The following CMIP variants were observed in gnomAD, a reference collection of about 807,000 sequenced individuals.
The protein encoded by CMIP is C-Maf-inducing protein.
A neutral mutation model predicts 97.3 loss-of-function variants in CMIP; 13 were observed. The observed-to-expected ratio is 0.13, with a 90% CI of 0.09 to 0.21. CMIP has a LOEUF of 0.21. Ranked by LOEUF, CMIP falls within the 10% of genes least tolerant of loss-of-function variation. The probability of loss-of-function intolerance (pLI) is 1.00; values close to 1 mark genes in which losing one functional copy is unlikely to be tolerated. For synonymous variants in CMIP, 538 were observed against 436.3 expected, an observed-to-expected ratio of 1.23 and a Z score of -2.91; for missense variants, 847 against 1,024.9, an observed-to-expected ratio of 0.83 and a Z score of 2.37.
At chr16:81,577,023 TATCACCATC>T (rs1224933350) in intron 1 of CMIP, among the ~76,000 whole-genome samples, 1 of 145,114 alleles carries the variant, frequency 6.9e-6, no homozygotes, top group Non-Finnish European at 1.5e-5. Flanking sequence ...TTATTATCAC[TATCACCATC>T]ACCATCATCA....
At chr16:81,608,099 G>A (rs1359699969) in intron 2 of CMIP, among the ~76,000 whole-genome samples, 1 of 152,184 alleles carries the variant, frequency 6.6e-6, no homozygotes, top group Non-Finnish European at 1.5e-5. Context: ...GGGAGTTTCT[G>A]ATATCTTGTT....
In CMIP at chr16:81,454,193, G is replaced by A. The variant is rs1383644628; in HGVS notation, c.300+8652G>A. Among the ~76,000 whole-genome samples, 5 of 152,324 alleles carry A rather than the reference G, an allele frequency of 3.3e-5. No individual in the cohort carries two copies. In the East Asian group the frequency reaches 9.6e-4, roughly 29 times the overall value. On this transcript the variant is annotated intron_variant, in intron 1 of 20. Transcript: ENST00000537098. ...GAGATGGACCTATATGTTCCTGGTT[G>A]CAACGATATTTATCGTATCCCTACT...
intron 3 of CMIP, among the ~76,000 whole-genome samples, chr16:81,644,293 C>T (rs2092338583): frequency 1.3e-5 from 2 of 152,160 alleles, no homozygotes; most frequent in South Asian, 2.1e-4. Context: ...GCCTCCTTCC[C>T]TGGAAAATTG....
rs141907877 is a variant in CMIP at position 81,465,076 on chromosome 16, C to T, written c.300+19535C>T. ...GTTCTTTTGGATATACATCTACGAGCGGACATTTATTTTTTAAAGATGTTC... is the reference window on the plus strand; with the variant it reads ...GTTCTTTTGGATATACATCTACGAGTGGACATTTATTTTTTAAAGATGTTC... On this transcript the variant is annotated intron_variant, in intron 1 of 20. Coordinates refer to ENST00000537098, the MANE Select transcript of CMIP (RefSeq NM_198390.3). 6.6e-5 allele frequency among the ~76,000 whole-genome samples: 10 copies of T among 152,190 alleles called. No homozygotes were observed. The South Asian group carries it at 1.0e-3, about 16-fold the overall frequency.
chr16:81,632,663 C>T (rs1216031040), intron 3 of CMIP, among the ~76,000 whole-genome samples: 5 of 152,228 alleles, frequency 3.3e-5, no homozygotes, highest in South Asian at 2.1e-4. Flanking sequence ...GCCCAGGCCT[C>T]GCAGCCCCCC....
At chr16:81,597,858 C>T (rs2091588031) in intron 1 of CMIP, among the ~76,000 whole-genome samples, 1 of 152,088 alleles carries the variant, frequency 6.6e-6, no homozygotes, top group South Asian at 2.1e-4. Flanking sequence ...ATCTGTCTCC[C>T]CCCCAGCTTG....
Position 81,547,612 on chromosome 16 carries a change from GGGA to G in CMIP, c.301-59933_301-59931del, listed in dbSNP as rs147604031. Among the ~76,000 whole-genome samples the G allele has an allele frequency of 4.8e-4, 73 of 151,780 alleles. 1 individual carries two copies. Among genetic ancestry groups the G allele is most frequent in the Admixed American group, 1.8e-3 (27 of 15,270 alleles). On this transcript the variant is annotated intron_variant, in intron 1 of 20. Coordinates refer to ENST00000537098, the MANE Select transcript of CMIP (RefSeq NM_198390.3). ...TTTGCAGGTGGAGGGTGGGAAGCGG[GGGA>G]GGAGGAGGAGGAGGAGGAGGAAGGA... is the stretch of plus-strand genomic sequence containing the variant.
At chr16:81,584,897 C>A (rs752430701) in intron 1 of CMIP, among the ~76,000 whole-genome samples, 3 of 152,236 alleles carry the variant, frequency 2.0e-5, no homozygotes, top group Admixed American at 6.5e-5. Context: ...ACTCCCCCAA[C>A]TGTTCAGACC....
intron 1 of CMIP, chr16:81,464,509 C>G: frequency 6.6e-6 from 1 of 152,162 alleles, no homozygotes; most frequent in East Asian, 1.9e-4. Context: ...TTCATTCATT[C>G]ATTCATTCAT....
intron 1 of CMIP, among the ~76,000 whole-genome samples, chr16:81,551,902 G>C (rs530673071): frequency 6.6e-6 from 1 of 152,170 alleles, no homozygotes; most frequent in Admixed American, 6.5e-5. Flanking sequence ...AAGACTCCCC[G>C]GTCCAGGGAC....
intron 14 of CMIP, among the ~76,000 whole-genome samples, chr16:81,698,998 TC>T (rs1907081108): frequency 6.6e-6 from 1 of 152,232 alleles, no homozygotes; most frequent in Non-Finnish European, 1.5e-5. Context: ...ACGCCTGTAA[TC>T]CCAGCACTGT....
intron 1 of CMIP, among the ~76,000 whole-genome samples, chr16:81,461,458 C>T (rs1042689370): frequency 6.6e-6 from 1 of 152,158 alleles, no homozygotes. Flanking sequence ...TGCTAATCAA[C>T]CCTAGCGTAA....
intron 8 of CMIP, among the ~76,000 whole-genome samples, chr16:81,670,765 G>T (rs931545934): frequency 1.3e-5 from 2 of 152,092 alleles, no homozygotes; most frequent in Admixed American, 1.3e-4. Flanking sequence ...ACAACACATG[G>T]AGAATGCTGC....
chr16:81,600,982 G>C (rs1364512377), intron 1 of CMIP, among the ~76,000 whole-genome samples: 1 of 152,186 alleles, frequency 6.6e-6, no homozygotes, highest in Non-Finnish European at 1.5e-5. Flanking sequence ...TTACAGTGGG[G>C]TGGTGCCACG....
intron 1 of CMIP, among the ~76,000 whole-genome samples, chr16:81,551,538 T>G (rs2090658973): frequency 6.6e-6 from 1 of 152,172 alleles, no homozygotes; most frequent in South Asian, 2.1e-4. Flanking sequence ...CATGTCAGTG[T>G]GTGGCTGTAG....
rs1453719123 is a variant in CMIP at position 81,662,487 on chromosome 16, G to T, written c.744+1541G>T. ...CCGTCTGCCTTTTGGAGGGAGGGGG[G>T]TCCCAGCCATGTGGGATGCTTCTTT... On this transcript the variant is annotated intron_variant, in intron 6 of 20. Coordinates refer to ENST00000537098, the MANE Select transcript of CMIP (RefSeq NM_198390.3). 2.6e-5 allele frequency among the ~76,000 whole-genome samples: 4 copies of T among 152,230 alleles called. No individual in the cohort carries two copies. In the East Asian group the frequency reaches 5.8e-4, roughly 22 times the overall value.
intron 11 of CMIP, 147 bp from the exon 12 acceptor site, chr16:81,693,011 G>C (rs989947288): frequency 7.1e-5 from 47 of 659,036 alleles, no homozygotes; most frequent in Admixed American, 1.3e-4. Context: ...TTTGAGTGGG[G>C]ACAAAATGTT....
At chr16:81,515,545 C>A (rs912520188) in intron 1 of CMIP, among the ~76,000 whole-genome samples, 2 of 152,078 alleles carry the variant, frequency 1.3e-5, no homozygotes, top group African/African-American at 2.4e-5. Flanking sequence ...TAATGGGAGG[C>A]GTGTTTCGTC....
rs972421586 is a variant in CMIP, at chr16:81,614,684, G to GTA, written c.427-6191_427-6190insAT. On this transcript the variant is annotated intron_variant, in intron 2 of 20. Coordinates refer to ENST00000537098, the MANE Select transcript of CMIP (RefSeq NM_198390.3). The surrounding 1 kb of genome is among the most constrained non-coding windows in gnomAD (Gnocchi z 5.3). ...GTATGTATGTCTGTATGGTTTATGT[G>GTA]TGTGTGTGTGTGTATGGTATGTCTG... Among the ~76,000 whole-genome samples the GTA allele has an allele frequency of 2.0e-5, 3 of 151,944 alleles. No individual in the cohort carries two copies. The highest frequency in any genetic ancestry group is 4.4e-5 in the Non-Finnish European group (3 of 67,972).
Sources: gnomAD v4.1 joint callset for allele counts (sites outside exome capture counted in the v4.1 genomes callset) on GRCh38, gnomAD v4.1.1 for gene constraint, Gnocchi (gnomAD v3.1) non-coding constraint, MANE v1.5 for transcripts, NCBI Gene and HGNC (gene_info 2026-07-23, HGNC 2026-07-21) for gene names.